ATP8A2: variants seen among roughly 807,000 people sequenced by gnomAD.
ATP8A2 encodes the protein phospholipid-transporting ATPase IB.
In ATP8A2, 100 loss-of-function variants were observed where a neutral mutation model predicts 165.6. The observed-to-expected ratio is 0.60, with a 90% confidence interval of 0.51 to 0.71. The LOEUF (loss-of-function observed/expected upper bound fraction) is 0.71. Ranked by LOEUF, ATP8A2 falls within the 30% of genes least tolerant of loss-of-function variation. The probability of loss-of-function intolerance (pLI) is 0.00; values close to 1 mark genes in which losing one functional copy is unlikely to be tolerated. For missense variants in ATP8A2, 1,227 were observed against 1,479.5 expected (o/e 0.83, Z 2.80); for synonymous variants, 543 against 548.8 (o/e 0.99, Z 0.15).
At chr13:25,836,508 T>C (rs79988447) in intron 28 of ATP8A2, among the ~76,000 whole-genome samples, 3,331 of 152,284 alleles carry the variant, frequency 0.022, 113 homozygotes, top group African/African-American at 0.075. Context: ...TGACTCTCCC[T>C]TCTCCTTCTG....
intron 33 of ATP8A2, among the ~76,000 whole-genome samples, chr13:25,932,059 A>AAAAG (rs373028142): frequency 2.6e-5 from 4 of 151,510 alleles, no homozygotes; most frequent in African/African-American, 9.7e-5. Flanking sequence ...AAAAAAAAAA[A>AAAAG]AAAGAAAGAA....
chr13:25,952,819 G>A (rs1955406461), intron 33 of ATP8A2, among the ~76,000 whole-genome samples: 3 of 152,154 alleles, frequency 2.0e-5, no homozygotes, highest in Admixed American at 2.0e-4. Context: ...TATTGTGTCA[G>A]CGCCACACAG....
chr13:25,558,936 A>G (rs775344364), intron 13 of ATP8A2, 37 bp from the exon 14 acceptor site: 17 of 1,393,028 alleles, frequency 1.2e-5, no homozygotes, highest in Non-Finnish European at 1.5e-5. Context: ...GCATCTCAAT[A>G]CTTCCTGATG....
At chr13:25,952,863 G>T (rs1461514256) in intron 33 of ATP8A2, among the ~76,000 whole-genome samples, 1 of 152,168 alleles carries the variant, frequency 6.6e-6, no homozygotes, top group African/African-American at 2.4e-5. Flanking sequence ...AATGTACATT[G>T]CCATCCTTCC....
chr13:25,528,800 C>T (rs61948615), intron 2 of ATP8A2, among the ~76,000 whole-genome samples: 29,329 of 67,202 alleles, frequency 0.44, 6,835 homozygotes, highest in African/African-American at 0.57. Context: ...TGTGTATGCA[C>T]ACATATGCAA....
chr13:25,458,072 T>G (rs1359163661), intron 1 of ATP8A2, among the ~76,000 whole-genome samples: 1 of 152,202 alleles, frequency 6.6e-6, no homozygotes, highest in African/African-American at 2.4e-5. Context: ...AATGAATGTG[T>G]TTTTCTCTTG....
intron 25 of ATP8A2, among the ~76,000 whole-genome samples, chr13:25,768,159 A>G (rs2044535987): frequency 6.6e-6 from 1 of 151,938 alleles, no homozygotes; most frequent in Admixed American, 6.6e-5. Context: ...GCATCAGCTT[A>G]CCAATTCAGA....
intron 23 of ATP8A2, among the ~76,000 whole-genome samples, chr13:25,585,497 T>C (rs1347882260): frequency 6.6e-6 from 1 of 152,186 alleles, no homozygotes; most frequent in Admixed American, 6.5e-5. Context: ...ATTTCTGAAT[T>C]GAAATTTAAA....
At chr13:25,631,051 T>G (rs1215868302) in intron 24 of ATP8A2, among the ~76,000 whole-genome samples, 2 of 152,200 alleles carry the variant, frequency 1.3e-5, no homozygotes, top group Non-Finnish European at 2.9e-5. Flanking sequence ...AGTTGTTGAC[T>G]GTGGGTTTTC....
At chr13:25,813,935 G>A (rs1249041248) in intron 27 of ATP8A2, among the ~76,000 whole-genome samples, 11 of 152,104 alleles carry the variant, frequency 7.2e-5, no homozygotes, top group Admixed American at 5.2e-4. Flanking sequence ...CTTCAAACTG[G>A]TACATCAGCC....
rs1178800977 is a variant in ATP8A2, at chr13:25,429,538, T to C, written c.77-39439T>C. Among the ~76,000 whole-genome samples, 3 of 131,938 alleles carry C rather than the reference T, an allele frequency of 2.3e-5. No individual in the cohort carries two copies. The South Asian group carries it at 7.9e-4, about 35-fold the overall frequency. The allele number at this position is 131,938 out of a possible 152,430, so 86.6% of individuals were successfully genotyped here. A position where few individuals can be genotyped will look rare whatever the true frequency, so the allele number is the denominator to read the frequency against. On this transcript the variant is annotated intron_variant, in intron 1 of 36. Coordinates refer to ENST00000381655, the MANE Select transcript of ATP8A2 (RefSeq NM_016529.6). ...AATAGTTCTTCATGCTGCAGTCATT[T>C]GTACCCTTGAATGTTTCCCTTTCAA... is the stretch of plus-strand genomic sequence containing the variant.
chr13:25,652,054 A>G (rs984252465), intron 24 of ATP8A2, among the ~76,000 whole-genome samples: 1 of 152,150 alleles, frequency 6.6e-6, no homozygotes, highest in African/African-American at 2.4e-5. Flanking sequence ...CTTCAAATCT[A>G]TGGTTGAAAA....
intron 35 of ATP8A2, among the ~76,000 whole-genome samples, chr13:25,991,538 G>A (rs919594578): frequency 2.0e-5 from 3 of 152,124 alleles, no homozygotes; most frequent in Non-Finnish European, 2.9e-5. Flanking sequence ...ACCATTAACT[G>A]TTCTCCATTT....
At chr13:25,765,135 G>T (rs2044464432) in intron 25 of ATP8A2, among the ~76,000 whole-genome samples, 1 of 152,118 alleles carries the variant, frequency 6.6e-6, no homozygotes, top group African/African-American at 2.4e-5. Flanking sequence ...GATACTCCAG[G>T]AACTGATTTT....
chr13:25,899,360 C>G (rs1374373618), intron 33 of ATP8A2, among the ~76,000 whole-genome samples: 3 of 152,176 alleles, frequency 2.0e-5, no homozygotes, highest in Non-Finnish European at 4.4e-5. Context: ...ACTCATTTAA[C>G]CCCCTGCCTG....
chr13:25,731,520 CA>C (rs151332035), intron 25 of ATP8A2, among the ~76,000 whole-genome samples: 21,727 of 152,152 alleles, frequency 0.14, 1,901 homozygotes, highest in Admixed American at 0.22. Flanking sequence ...CACTTTTGGC[CA>C]AAGAATGCTT....
intron 30 of ATP8A2, among the ~76,000 whole-genome samples, chr13:25,857,858 G>A (rs1294187233): frequency 2.6e-5 from 4 of 152,000 alleles, no homozygotes; most frequent in Admixed American, 6.6e-5. Flanking sequence ...GGTGTGAGCC[G>A]CCGCACCCAG....
chr13:25,632,111 G>C (rs2041255294), intron 24 of ATP8A2, among the ~76,000 whole-genome samples: 1 of 152,026 alleles, frequency 6.6e-6, no homozygotes, highest in Non-Finnish European at 1.5e-5. Context: ...TTATCATAAA[G>C]GATGTTATGG....
intron 1 of ATP8A2, among the ~76,000 whole-genome samples, chr13:25,465,739 C>T (rs1593347100): frequency 5.5e-5 from 1 of 18,288 alleles, no homozygotes. Context: ...TTCTTTCTTT[C>T]CCTCCCTCCC....
Sources: allele counts gnomAD v4.1 joint callset (sites outside exome capture counted in the v4.1 genomes callset), GRCh38; gene constraint gnomAD v4.1.1; transcripts MANE v1.5; gene names NCBI Gene and HGNC (gene_info 2026-07-23, HGNC 2026-07-21).